Variants in DNAH9 observed in about 807,000 individuals in gnomAD.
DNAH9 encodes DNAH9 variant protein.
Under a neutral mutation model 471.6 loss-of-function variants are expected in DNAH9, and 345 were observed. That is an observed-to-expected ratio of 0.73 (90% CI 0.67 to 0.80). The LOEUF is 0.80. Ranked by LOEUF, DNAH9 falls within the 30% of genes least tolerant of loss-of-function variation. DNAH9 has a pLI of 0.00. For synonymous variants in DNAH9, 2,093 were observed against 2,123.6 expected, an observed-to-expected ratio of 0.99 and a Z score of 0.40; for missense variants, 5,407 against 5,609.2, an observed-to-expected ratio of 0.96 and a Z score of 1.15.
At chr17:11,778,087 G>A (rs1285626274) in intron 38 of DNAH9, among the ~76,000 whole-genome samples, 1 of 152,006 alleles carries the variant, frequency 6.6e-6, no homozygotes, top group Non-Finnish European at 1.5e-5. Flanking sequence ...TAGCACCTGG[G>A]TAAATAAACA....
intron 65 of DNAH9, among the ~76,000 whole-genome samples, chr17:11,934,434 C>CTTTTT (rs1567560864): frequency 6.8e-5 from 7 of 103,100 alleles, no homozygotes; most frequent in Non-Finnish European, 1.3e-4. Context: ...TTGACAAACC[C>CTTTTT]ATTTTTTTTT....
Position 11,636,727 on chromosome 17 carries a change from G to T in DNAH9, c.1729G>T (p.Asp577Tyr). Residue 577 changes from aspartate (D) to tyrosine (Y), a missense_variant, in exon 9 of 69, where the codon GAT becomes TAT. Coordinates refer to ENST00000262442, the MANE Select transcript of DNAH9 (RefSeq NM_001372.4). Reference protein sequence around the residue: ...YLVLIQMFNKDLDAVRMIYSQ... With the variant: ...YLVLIQMFNKYLDAVRMIYSQ... The stretch of plus-strand genomic sequence containing the variant: ...GGTCCTCATCCAAATGTTCAACAAA[G>T]ATCTGGATGCAGTGAGGATGATCTA... The T allele has an allele frequency of 6.2e-7, 1 of 1,613,790 alleles. No individual in the cohort carries two copies. Among genetic ancestry groups the T allele is most frequent in the Non-Finnish European group, 8.5e-7 (1 of 1,179,684 alleles).
At chr17:11,858,063 T>C (rs1281268167) in intron 50 of DNAH9, among the ~76,000 whole-genome samples, 1 of 152,206 alleles carries the variant, frequency 6.6e-6, no homozygotes, top group Non-Finnish European at 1.5e-5. Flanking sequence ...ACAAAAATGT[T>C]AACAGTGGTG....
intron 61 of DNAH9, among the ~76,000 whole-genome samples, chr17:11,914,390 A>G (rs1973875534): frequency 6.6e-6 from 1 of 152,166 alleles, no homozygotes; most frequent in Non-Finnish European, 1.5e-5. Flanking sequence ...ATATAAATAA[A>G]TTGTATTTCA....
chr17:11,835,145 A>G (rs1187109739), intron 49 of DNAH9, among the ~76,000 whole-genome samples: 2 of 152,212 alleles, frequency 1.3e-5, no homozygotes, highest in African/African-American at 4.8e-5. Context: ...CAGCTGATCC[A>G]AACTCCTTAC....
intron 8 of DNAH9, among the ~76,000 whole-genome samples, chr17:11,634,048 T>C (rs912586068): frequency 1.3e-5 from 2 of 152,170 alleles, no homozygotes; most frequent in Non-Finnish European, 2.9e-5. Flanking sequence ...TGAAATTTTA[T>C]GGGTTCTGGA....
chr17:11,700,296 C>G (rs980416395), intron 23 of DNAH9, among the ~76,000 whole-genome samples: 1 of 152,124 alleles, frequency 6.6e-6, no homozygotes, highest in Non-Finnish European at 1.5e-5. Context: ...GTGGAACCAG[C>G]TGCTTTCCTG....
intron 41 of DNAH9, among the ~76,000 whole-genome samples, chr17:11,793,237 C>G (rs1162125467): frequency 6.6e-6 from 1 of 152,174 alleles, no homozygotes; most frequent in Non-Finnish European, 1.5e-5. Flanking sequence ...CAAAGTCACA[C>G]AGTTGCTTAG....
At chr17:11,817,286 G>C (rs1156510639) in intron 45 of DNAH9, among the ~76,000 whole-genome samples, 1 of 152,150 alleles carries the variant, frequency 6.6e-6, no homozygotes, top group African/African-American at 2.4e-5. Context: ...ATTCAGAGGT[G>C]TTTATCTCCA....
chr17:11,619,017 T>G (rs940911783), intron 5 of DNAH9, among the ~76,000 whole-genome samples: 2 of 152,104 alleles, frequency 1.3e-5, no homozygotes, highest in Non-Finnish European at 1.5e-5. Flanking sequence ...ACATATTGGC[T>G]CATGTACCTT....
In DNAH9 at chr17:11,652,755, G is replaced by C. The variant is rs755483136; in HGVS notation, c.2354-6G>C. 6 of 1,611,848 alleles carry C rather than the reference G, an allele frequency of 3.7e-6. No homozygotes were observed. Among genetic ancestry groups the C allele is most frequent in the Non-Finnish European group, 5.1e-6 (6 of 1,179,082 alleles). The stretch of plus-strand genomic sequence containing the variant: ...TTCAATTAATTATGTTTCTTTTGGG[G>C]AACAGGCATTTGCGATTATGTCACT... On this transcript the variant is annotated splice_polypyrimidine_tract_variant and splice_region_variant and intron_variant, in intron 13 of 68. Transcript: ENST00000262442.
At chr17:11,734,278 C>T (rs2075311689) in intron 28 of DNAH9, among the ~76,000 whole-genome samples, 1 of 152,154 alleles carries the variant, frequency 6.6e-6, no homozygotes, top group African/African-American at 2.4e-5. Flanking sequence ...GGGGACTGTG[C>T]CGCTCTGGCA....
intron 4 of DNAH9, among the ~76,000 whole-genome samples, chr17:11,613,004 C>T (rs1298636836): frequency 6.6e-6 from 1 of 152,168 alleles, no homozygotes; most frequent in Non-Finnish European, 1.5e-5. Flanking sequence ...AGTTTGCAAA[C>T]ATCTTAGCTA....
intron 49 of DNAH9, among the ~76,000 whole-genome samples, chr17:11,845,926 T>C (rs79399683): frequency 2.0e-5 from 3 of 149,786 alleles, no homozygotes; most frequent in East Asian, 2.0e-4. Flanking sequence ...GAGTAGGTTG[T>C]GAAAATTTTC....
At chr17:11,689,491 G>A (rs1305309719) in intron 19 of DNAH9, 75 bp from the exon 20 acceptor site, 1 of 1,254,790 alleles carries the variant, frequency 8.0e-7, no homozygotes, top group Non-Finnish European at 1.1e-6. Context: ...TATTTCAGCT[G>A]GTTGCTACCT....
chr17:11,727,258 A>G (rs750911461), intron 27 of DNAH9, among the ~76,000 whole-genome samples: 7 of 152,012 alleles, frequency 4.6e-5, no homozygotes, highest in Non-Finnish European at 8.8e-5. Flanking sequence ...GAAATGCATT[A>G]TTCCCTTGTA....
chr17:11,668,664 CAAAAAA>C (rs56347198), intron 15 of DNAH9, among the ~76,000 whole-genome samples: 5 of 100,556 alleles, frequency 5.0e-5, no homozygotes, highest in African/African-American at 7.4e-5. Flanking sequence ...GACTGCATCT[CAAAAAA>C]AAAAAAAAAA....
chr17:11,866,542 C>A (rs1352158104), intron 50 of DNAH9, among the ~76,000 whole-genome samples: 1 of 152,204 alleles, frequency 6.6e-6, no homozygotes, highest in Non-Finnish European at 1.5e-5. Flanking sequence ...CCACTGCTCT[C>A]TTCAAAGCTG....
intron 22 of DNAH9, among the ~76,000 whole-genome samples, chr17:11,698,206 A>ATATAT (rs1337258682): frequency 1.6e-5 from 2 of 123,228 alleles, no homozygotes; most frequent in African/African-American, 6.6e-5. Flanking sequence ...TAATATATTA[A>ATATAT]TAATATAATT....
Sources: allele counts gnomAD v4.1 joint callset (sites outside exome capture counted in the v4.1 genomes callset), GRCh38; gene constraint gnomAD v4.1.1; transcripts MANE v1.5; gene names NCBI Gene and HGNC (gene_info 2026-07-23, HGNC 2026-07-21).